WIF1: variants seen among roughly 807,000 people sequenced by gnomAD.
The protein encoded by WIF1 is Wnt inhibitory factor 1.
WIF1 carries 35 observed loss-of-function variants against 53.5 expected under a neutral mutation model. The observed-to-expected ratio is 0.65, with a 90% CI of 0.50 to 0.87. The LOEUF (loss-of-function observed/expected upper bound fraction) is 0.87. Among genes scored for constraint, WIF1 ranks in the 40% least tolerant of loss-of-function variants. The probability of loss-of-function intolerance (pLI) is 0.00; values close to 1 mark genes in which losing one functional copy is unlikely to be tolerated. For synonymous variants in WIF1, 171 were observed against 170.4 expected, an observed-to-expected ratio of 1.00 and a Z score of -0.03; for missense variants, 467 against 476.8, an observed-to-expected ratio of 0.98 and a Z score of 0.19.
intron 2 of WIF1, among the ~76,000 whole-genome samples, chr12:65,090,005 A>G (rs1294310490): frequency 6.6e-6 from 1 of 152,156 alleles, no homozygotes; most frequent in Non-Finnish European, 1.5e-5. Flanking sequence ...GTATAGTCTA[A>G]AAAAATAGGT....
chr12:65,066,238 T>C (rs1240967207), intron 6 of WIF1, among the ~76,000 whole-genome samples: 1 of 152,184 alleles, frequency 6.6e-6, no homozygotes, highest in African/African-American at 2.4e-5. Context: ...GTGGAAGTTT[T>C]GTGGGTAAAT....
chr12:65,051,055 T>G lies in WIF1; in HGVS notation c.*294A>C, dbSNP rs113997211. On this transcript the variant is annotated 3_prime_UTR_variant, in exon 10 of 10. Coordinates refer to ENST00000286574, the MANE Select transcript of WIF1 (RefSeq NM_007191.5). The stretch of plus-strand genomic sequence containing the variant: ...CTGCCCCCAGACACCATAAATGCAT[T>G]GTAATTTTGAAAATATCTGCCAACT... 7.2e-6 allele frequency: 2 copies of G among 276,642 alleles called. No individual in the cohort carries two copies. Among genetic ancestry groups the G allele is most frequent in the African/African-American group, 4.3e-5 (2 of 46,474 alleles). 17.1% of individuals were successfully genotyped at this position (276,642 alleles called of 1,614,324 possible). A position where few individuals can be genotyped will look rare whatever the true frequency, so the allele number is the denominator to read the frequency against.
At chr12:65,093,434 T>C (rs1259847701) in intron 2 of WIF1, among the ~76,000 whole-genome samples, 1 of 152,192 alleles carries the variant, frequency 6.6e-6, no homozygotes, top group Non-Finnish European at 1.5e-5. Context: ...ACCTGAGCCC[T>C]CCTTCATTAC....
chr12:65,102,493 A>T (rs1030127709), intron 2 of WIF1, among the ~76,000 whole-genome samples: 2 of 152,146 alleles, frequency 1.3e-5, no homozygotes, highest in Non-Finnish European at 2.9e-5. Flanking sequence ...CACCCACATT[A>T]GGGAGGGCAA....
At chr12:65,095,066 G>A (rs1883183415) in intron 2 of WIF1, among the ~76,000 whole-genome samples, 1 of 151,364 alleles carries the variant, frequency 6.6e-6, no homozygotes, top group South Asian at 2.1e-4. Flanking sequence ...TGCAGTGGCT[G>A]GGACTACAGG....
chr12:65,077,778 G>A lies in WIF1; in HGVS notation c.365C>T (p.Pro122Leu). The change falls in exon 3 of 10, where the codon CCT becomes CTT. Residue 122 changes from proline (P) to leucine (L), a missense_variant. Physicochemically the swap from Pro to Leu is moderately conservative, Grantham distance 98. Transcript: ENST00000286574. ...CTTGTGAGGCACTGTTCCCAGCAGA[G>A]GGACATTGACGGTTGGATCTGCCAT... The part of the protein sequence containing the change: ...GIMADPTVNV[P>L]LLGTVPHKAS... 1 of 1,613,834 alleles carries A rather than the reference G, an allele frequency of 6.2e-7. No individual in the cohort carries two copies. Among genetic ancestry groups the A allele is most frequent in the South Asian group, 1.1e-5 (1 of 91,066 alleles).
chr12:65,079,471 G>A (rs1329472678), intron 2 of WIF1, among the ~76,000 whole-genome samples: 3 of 151,940 alleles, frequency 2.0e-5, no homozygotes, highest in Admixed American at 1.3e-4. Context: ...AAATTTATAA[G>A]CATTGGAGAT....
chr12:65,107,613 C>T (rs1207357448), intron 2 of WIF1, among the ~76,000 whole-genome samples: 1 of 152,144 alleles, frequency 6.6e-6, no homozygotes, highest in Non-Finnish European at 1.5e-5. Context: ...GAGCAAGACT[C>T]CATCTAAAAA....
chr12:65,085,069 G>C (rs897993833), intron 2 of WIF1, among the ~76,000 whole-genome samples: 4 of 152,154 alleles, frequency 2.6e-5, no homozygotes, highest in Non-Finnish European at 4.4e-5. Context: ...GTCCTGTTCT[G>C]ACACAAGACT....
intron 3 of WIF1, among the ~76,000 whole-genome samples, chr12:65,069,373 C>A (rs1257440902): frequency 6.6e-6 from 1 of 152,118 alleles, no homozygotes; most frequent in Non-Finnish European, 1.5e-5. Context: ...ATCAGCATTT[C>A]ATAATCCCTT....
intron 2 of WIF1, among the ~76,000 whole-genome samples, chr12:65,118,252 G>C (rs1473907644): frequency 6.6e-6 from 1 of 152,122 alleles, no homozygotes; most frequent in Non-Finnish European, 1.5e-5. Context: ...GTTTTGATGT[G>C]GTTTGGCTTT....
chr12:65,093,031 C>A (rs145705294), intron 2 of WIF1, among the ~76,000 whole-genome samples: 40 of 152,242 alleles, frequency 2.6e-4, no homozygotes, highest in Middle Eastern at 3.4e-3. Flanking sequence ...AGAATATTAA[C>A]TTTAAATAAG....
chr12:65,055,041 G>T, intron 9 of WIF1, 77 bp downstream of exon 9: 1 of 1,442,428 alleles, frequency 6.9e-7, no homozygotes. Context: ...TGAAAAGGCT[G>T]GCCCTTCTTC....
At chr12:65,068,997 G>A in intron 3 of WIF1, 93 bp from the exon 4 acceptor site, 3 of 1,381,748 alleles carry the variant, frequency 2.2e-6, no homozygotes, top group African/African-American at 1.5e-5. Flanking sequence ...AAAGGACAAA[G>A]CAAAAATGTT....
intron 2 of WIF1, among the ~76,000 whole-genome samples, chr12:65,096,970 G>A (rs1883213887): frequency 6.7e-6 from 1 of 149,804 alleles, no homozygotes; most frequent in Non-Finnish European, 1.5e-5. Context: ...CATGGCACAT[G>A]TATACCTGTG....
intron 2 of WIF1, among the ~76,000 whole-genome samples, chr12:65,107,716 A>G (rs1476076199): frequency 6.6e-6 from 1 of 152,208 alleles, no homozygotes; most frequent in East Asian, 1.9e-4. Context: ...CATTATTGAT[A>G]CTGAAATAGC....
chr12:65,056,646 T>C (rs1473361088), intron 7 of WIF1, among the ~76,000 whole-genome samples: 2 of 151,970 alleles, frequency 1.3e-5, no homozygotes, highest in Non-Finnish European at 2.9e-5. Context: ...TGGGTATTGA[T>C]TTTTGTTTTT....
chr12:65,081,293 C>T (rs575804960), intron 2 of WIF1, among the ~76,000 whole-genome samples: 23 of 152,208 alleles, frequency 1.5e-4, no homozygotes, highest in Non-Finnish European at 3.1e-4. Flanking sequence ...CTTGAAAGTG[C>T]AGCAATTTGC....
chr12:65,068,660 TGTG>T (rs1882725374), intron 4 of WIF1, 101 bp downstream of exon 4: 2 of 726,986 alleles, frequency 2.8e-6, no homozygotes, highest in South Asian at 5.4e-5. Flanking sequence ...TGTGTGTGTG[TGTG>T]TGTGTGTGTG....
Sources: gnomAD v4.1 joint callset for allele counts (sites outside exome capture counted in the v4.1 genomes callset) on GRCh38, gnomAD v4.1.1 for gene constraint, MANE v1.5 for transcripts, NCBI Gene and HGNC (gene_info 2026-07-23, HGNC 2026-07-21) for gene names.